The following PRKD1 variants were observed in gnomAD, a reference collection of about 807,000 sequenced individuals.
The protein encoded by PRKD1 is protein kinase D1, also known as serine/threonine-protein kinase D1.
PRKD1 carries 63 observed loss-of-function variants against 95.9 expected under a neutral mutation model. The ratio of observed to expected loss-of-function variants is 0.66; its 90% CI spans 0.54 to 0.81. The LOEUF is 0.81. Among genes scored for constraint, PRKD1 ranks in the 30% least tolerant of loss-of-function variants. The pLI is 0.00. For synonymous variants in PRKD1, 425 were observed against 423.1 expected (o/e 1.00, Z -0.05); for missense variants, 1,048 against 1,165.3 (o/e 0.90, Z 1.47).
At chr14:29,654,093 T>TAA (rs202171238) in intron 4 of PRKD1, among the ~76,000 whole-genome samples, 1 of 151,646 alleles carries the variant, frequency 6.6e-6, no homozygotes, top group African/African-American at 2.4e-5. Flanking sequence ...TTTTTTTTTT[T>TAA]AAAAAAGCAG....
At chr14:29,627,973 C>A (rs931892980) in intron 11 of PRKD1, among the ~76,000 whole-genome samples, 1 of 152,158 alleles carries the variant, frequency 6.6e-6, no homozygotes, top group African/African-American at 2.4e-5. Context: ...CTTCAGTGGA[C>A]AACAGTGGCT....
chr14:29,654,516 C>T (rs1410715900), intron 4 of PRKD1, among the ~76,000 whole-genome samples: 7 of 151,852 alleles, frequency 4.6e-5, no homozygotes, highest in South Asian at 4.2e-4. Flanking sequence ...TTTACAAATA[C>T]GCAAAAAATA....
intron 16 of PRKD1, among the ~76,000 whole-genome samples, chr14:29,596,287 T>G (rs910042304): frequency 2.0e-5 from 3 of 152,254 alleles, no homozygotes; most frequent in Non-Finnish European, 4.4e-5. Flanking sequence ...ACAAATGTAC[T>G]AGCCTTTTCA....
chr14:29,626,222 T>A (rs1175569647), intron 12 of PRKD1, among the ~76,000 whole-genome samples: 6 of 152,212 alleles, frequency 3.9e-5, no homozygotes, highest in Non-Finnish European at 8.8e-5. Flanking sequence ...ACTTCTTCAG[T>A]ACTGTGTGTA....
At chr14:29,728,110 T>C (rs891684294) in intron 1 of PRKD1, among the ~76,000 whole-genome samples, 2 of 152,058 alleles carry the variant, frequency 1.3e-5, no homozygotes, top group Non-Finnish European at 1.5e-5. Context: ...TGTATACATA[T>C]GTAACTAACC....
intron 13 of PRKD1, among the ~76,000 whole-genome samples, chr14:29,605,716 A>T (rs543663265): frequency 6.6e-5 from 10 of 152,376 alleles, no homozygotes; most frequent in African/African-American, 2.4e-4. Context: ...AGTGCCTGAT[A>T]CATACTAAAT....
intron 2 of PRKD1, among the ~76,000 whole-genome samples, chr14:29,725,216 G>T (rs372188301): frequency 1.3e-5 from 2 of 152,124 alleles, no homozygotes; most frequent in African/African-American, 2.4e-5. Context: ...TTCACTGTTG[G>T]TGAGTTTCTT....
intron 2 of PRKD1, among the ~76,000 whole-genome samples, 170 bp downstream of exon 2, chr14:29,725,366 T>C (rs1242543781): frequency 6.6e-6 from 1 of 152,194 alleles, no homozygotes; most frequent in East Asian, 1.9e-4. Context: ...ACACAGCCAA[T>C]TAAAGGGAAA....
Position 29,634,529 on chromosome 14 carries a change from G to T in PRKD1, c.1203C>A (p.Ser401Arg). Residue 401 changes from serine (S) to arginine (R), a missense_variant, in exon 8 of 18, where the codon AGC becomes AGA. By Grantham distance (110) the Ser-to-Arg change is moderately radical. This residue lies in a region of PRKD1 where 739 missense variants were observed against 861.9 expected (regional missense o/e 0.86). Coordinates refer to ENST00000331968, the MANE Select transcript of PRKD1 (RefSeq NM_002742.3). ...CTACCCTCATGAGTGGGATATTGTT[G>T]CTTGTTGATGGACTTGAGAAGTCAA... The part of the protein sequence containing the change: ...DANRTISPST[S>R]NNIPLMRVVQ... 1 of 1,613,952 alleles carries T rather than the reference G, an allele frequency of 6.2e-7. No individual in the cohort carries two copies. Among genetic ancestry groups the T allele is most frequent in the Non-Finnish European group, 8.5e-7 (1 of 1,179,922 alleles).
chr14:29,799,156 CAA>C (rs1244329587), intron 1 of PRKD1, among the ~76,000 whole-genome samples: 4 of 152,284 alleles, frequency 2.6e-5, no homozygotes, highest in Non-Finnish European at 5.9e-5. Flanking sequence ...ATGCAAGAAT[CAA>C]AGTTGTAGAC....
intron 13 of PRKD1, among the ~76,000 whole-genome samples, chr14:29,604,811 C>T (rs577288482): frequency 6.6e-6 from 1 of 152,236 alleles, no homozygotes; most frequent in Admixed American, 6.5e-5. Flanking sequence ...AAAGATAATA[C>T]CCAAATTGAT....
chr14:29,730,839 C>T (rs1424892705), intron 1 of PRKD1, among the ~76,000 whole-genome samples: 1 of 151,970 alleles, frequency 6.6e-6, no homozygotes, highest in Non-Finnish European at 1.5e-5. Context: ...ACAGTGGTTA[C>T]TGGGGCTAAG....
intron 1 of PRKD1, among the ~76,000 whole-genome samples, chr14:29,805,046 G>T (rs1274713315): frequency 6.6e-6 from 1 of 152,170 alleles, no homozygotes; most frequent in Non-Finnish European, 1.5e-5. Flanking sequence ...AGAAATGTTG[G>T]TATAGTGCTT....
chr14:29,643,950 GAA>G (rs1418625375), intron 4 of PRKD1, among the ~76,000 whole-genome samples: 3 of 152,200 alleles, frequency 2.0e-5, no homozygotes, highest in African/African-American at 7.2e-5. Context: ...AAGAGAAAGA[GAA>G]AGAGAATACT....
chr14:29,811,479 G>A (rs1347173340), intron 1 of PRKD1, among the ~76,000 whole-genome samples: 2 of 152,184 alleles, frequency 1.3e-5, no homozygotes, highest in East Asian at 3.9e-4. Flanking sequence ...CCCTACATAA[G>A]GATGCATTAA....
chr14:29,920,431 T>TA (rs1053404104), intron 1 of PRKD1, among the ~76,000 whole-genome samples: 5 of 151,842 alleles, frequency 3.3e-5, no homozygotes, highest in Admixed American at 3.3e-4. Flanking sequence ...CAAACAAATA[T>TA]AAAAACAAAG....
chr14:29,750,218 C>T (rs1887412437), intron 1 of PRKD1, among the ~76,000 whole-genome samples: 1 of 152,194 alleles, frequency 6.6e-6, no homozygotes. Flanking sequence ...AATACTAAGT[C>T]TGCCAGAGCT....
At position 29,636,290 on chromosome 14, in the gene PRKD1, C is replaced by A; in HGVS notation, c.1190G>T (p.Ser397Ile). 3 of 1,614,214 alleles carry A rather than the reference C, an allele frequency of 1.9e-6. No homozygotes were observed. The highest frequency in any genetic ancestry group is 1.1e-5 in the South Asian group (1 of 91,086). ...PDHEDANRTI[S>I]PSTSNNIPLM... ...CTGAGGCTGGGAGTGCTGCTCTCACCTGATGGTTCTGTTGGCGTCCTCGTG... is the reference window on the plus strand; with the variant it reads ...CTGAGGCTGGGAGTGCTGCTCTCACATGATGGTTCTGTTGGCGTCCTCGTG... The change falls in exon 7 of 18, where the codon AGT becomes ATT. Residue 397 changes from serine (S) to isoleucine (I), a missense_variant and splice_region_variant. This residue lies in a region of PRKD1 where 739 missense variants were observed against 861.9 expected (regional missense o/e 0.86). Coordinates refer to ENST00000331968, the MANE Select transcript of PRKD1 (RefSeq NM_002742.3).
intron 1 of PRKD1, among the ~76,000 whole-genome samples, chr14:29,779,209 T>A (rs1435990754): frequency 1.3e-5 from 2 of 152,086 alleles, no homozygotes; most frequent in Non-Finnish European, 2.9e-5. Flanking sequence ...CGGGAAGCGT[T>A]CCCTTTGAAA....
Sources: allele counts gnomAD v4.1 joint callset (sites outside exome capture counted in the v4.1 genomes callset), GRCh38; gene constraint gnomAD v4.1.1; regional missense constraint gnomAD v4.1.1; transcripts MANE v1.5; gene names NCBI Gene and HGNC (gene_info 2026-07-23, HGNC 2026-07-21).